Variants in PTCHD4 observed in about 807,000 individuals in gnomAD.
PTCHD4 encodes patched domain-containing protein 4.
Under a neutral mutation model 58.1 loss-of-function variants are expected in PTCHD4, and 33 were observed. The observed-to-expected ratio is 0.57, with a 90% confidence interval of 0.43 to 0.76. PTCHD4 has a LOEUF of 0.76. Ranked by LOEUF, PTCHD4 falls within the 30% of genes least tolerant of loss-of-function variation. The pLI is 0.00. For synonymous variants in PTCHD4, 478 were observed against 409.6 expected (o/e 1.17, Z -2.02); for missense variants, 1,058 against 1,027.1 (o/e 1.03, Z -0.41).
In PTCHD4 at chr6:48,038,207, C is replaced by T. The variant is rs565217333; in HGVS notation, c.418-29093G>A. Among the ~76,000 whole-genome samples, 42 of 151,988 alleles carry T rather than the reference C, an allele frequency of 2.8e-4. No homozygotes were observed. The South Asian group carries it at 7.1e-3, about 26-fold the overall frequency. ...CTTTAAATTATCCGTGTCTCCTGAC[C>T]GGGGTTAATTACCACCCACTGTTCT... is the stretch of plus-strand genomic sequence containing the variant. On this transcript the variant is annotated intron_variant, in intron 3 of 4. Coordinates refer to ENST00000339488, the MANE Select transcript of PTCHD4 (RefSeq NM_001384253.1).
At chr6:48,032,043 C>T (rs1268599495) in intron 3 of PTCHD4, among the ~76,000 whole-genome samples, 3 of 141,450 alleles carry the variant, frequency 2.1e-5, no homozygotes, top group Non-Finnish European at 3.0e-5. Context: ...ACCCTCTGTC[C>T]TTGACATGGC....
chr6:48,070,253 T>G (rs1426086588), intron 1 of PTCHD4, among the ~76,000 whole-genome samples: 1 of 152,252 alleles, frequency 6.6e-6, no homozygotes, highest in South Asian at 2.1e-4. Context: ...AATGACTTCA[T>G]AGAAAAGATT....
At chr6:48,034,696 A>T (rs1763567958) in intron 3 of PTCHD4, among the ~76,000 whole-genome samples, 1 of 152,168 alleles carries the variant, frequency 6.6e-6, no homozygotes, top group Admixed American at 6.6e-5. Context: ...AGAATTTTCC[A>T]GATCTGCCAG....
intron 4 of PTCHD4, among the ~76,000 whole-genome samples, chr6:47,985,323 A>C (rs1359108195): frequency 6.6e-6 from 1 of 152,138 alleles, no homozygotes; most frequent in Non-Finnish European, 1.5e-5. Flanking sequence ...TAAGTGGTAC[A>C]AGGACAAATT....
rs766802090 is a variant in PTCHD4, at chr6:47,873,231, G to T, written c.*5072C>A. Reference sequence around the variant, plus strand: ...TATGATCAAGTTTGCTAGCAGTTGAGAATCTATAGTTTTGCAACACCACGT... The same window carrying T: ...TATGATCAAGTTTGCTAGCAGTTGATAATCTATAGTTTTGCAACACCACGT... On this transcript the variant is annotated 3_prime_UTR_variant, in exon 5 of 5. Transcript: ENST00000339488. Among the ~76,000 whole-genome samples the T allele has an allele frequency of 1.5e-3, 234 of 151,792 alleles. No homozygotes were observed. Among genetic ancestry groups the T allele is most frequent in the Non-Finnish European group, 2.4e-3 (162 of 67,756 alleles).
chr6:47,945,301 A>G (rs1766374187), intron 4 of PTCHD4, among the ~76,000 whole-genome samples: 1 of 152,132 alleles, frequency 6.6e-6, no homozygotes, highest in African/African-American at 2.4e-5. Context: ...CAATTTGAGA[A>G]GTATAATCTT....
At chr6:47,941,660 C>T (rs139013897) in intron 4 of PTCHD4, among the ~76,000 whole-genome samples, 30 of 152,206 alleles carry the variant, frequency 2.0e-4, no homozygotes, top group Admixed American at 1.2e-3. Flanking sequence ...AATACTAATT[C>T]GCTGTTTGAC....
rs1019142883 is a variant in PTCHD4, at chr6:47,860,225, T to C, written c.*18078A>G. On this transcript the variant is annotated 3_prime_UTR_variant, in exon 5 of 5. Coordinates refer to ENST00000339488, the MANE Select transcript of PTCHD4 (RefSeq NM_001384253.1). Reference sequence around the variant, plus strand: ...CTTCTGTCAGCATCTTTAAAGAGATTGCAAGCAATTTAAAGGTAGAAAACA... The same window carrying C: ...CTTCTGTCAGCATCTTTAAAGAGATCGCAAGCAATTTAAAGGTAGAAAACA... Among the ~76,000 whole-genome samples, 2 of 152,038 alleles carry C rather than the reference T, an allele frequency of 1.3e-5. No homozygotes were observed. The highest frequency in any genetic ancestry group is 1.5e-5 in the Non-Finnish European group (1 of 67,978).
intron 4 of PTCHD4, among the ~76,000 whole-genome samples, chr6:47,921,057 A>G (rs1179806204): frequency 6.6e-6 from 1 of 152,180 alleles, no homozygotes; most frequent in Non-Finnish European, 1.5e-5. Context: ...AAACAAACAA[A>G]CAAACAAAAA....
chr6:47,944,700 C>T (rs1444531320), intron 4 of PTCHD4, among the ~76,000 whole-genome samples: 2 of 152,050 alleles, frequency 1.3e-5, no homozygotes, highest in African/African-American at 4.8e-5. Flanking sequence ...GTAATTACAT[C>T]TCTGTTTGCA....
intron 4 of PTCHD4, among the ~76,000 whole-genome samples, chr6:47,902,439 C>G (rs1376015673): frequency 6.6e-6 from 1 of 152,108 alleles, no homozygotes; most frequent in African/African-American, 2.4e-5. Flanking sequence ...GTTCAAGGTA[C>G]TGCATAAAAT....
intron 4 of PTCHD4, among the ~76,000 whole-genome samples, chr6:47,985,453 G>A (rs1026623792): frequency 1.3e-5 from 2 of 152,024 alleles, no homozygotes; most frequent in East Asian, 1.9e-4. Flanking sequence ...GTGTATGAAA[G>A]TCATTTATAT....
chr6:47,898,473 G>A (rs1764592884), intron 4 of PTCHD4, among the ~76,000 whole-genome samples: 1 of 152,092 alleles, frequency 6.6e-6, no homozygotes, highest in Admixed American at 6.6e-5. Flanking sequence ...ACTGTGTTTA[G>A]GAACTTTACT....
intron 3 of PTCHD4, among the ~76,000 whole-genome samples, chr6:48,020,469 A>G (rs1763026417): frequency 6.6e-6 from 1 of 151,412 alleles, no homozygotes; most frequent in Non-Finnish European, 1.5e-5. Context: ...TAAAACAAAT[A>G]TTAGGTTGCT....
In PTCHD4 at chr6:47,868,120, G is replaced by A. The variant is rs1392275063; in HGVS notation, c.*10183C>T. ...TGAACAGAAACTAAATAAAAAAAAG[G>A]TTTCAGTTCAGTTGTTTAGTCCCTT... On this transcript the variant is annotated 3_prime_UTR_variant, in exon 5 of 5. Coordinates refer to ENST00000339488, the MANE Select transcript of PTCHD4 (RefSeq NM_001384253.1). 6.6e-6 allele frequency among the ~76,000 whole-genome samples: 1 copy of A among 151,506 alleles called. No homozygotes were observed. Among genetic ancestry groups the A allele is most frequent in the South Asian group, 2.1e-4 (1 of 4,820 alleles).
At chr6:47,893,256 A>C (rs1478803762) in intron 4 of PTCHD4, among the ~76,000 whole-genome samples, 1 of 151,962 alleles carries the variant, frequency 6.6e-6, no homozygotes, top group Non-Finnish European at 1.5e-5. Flanking sequence ...TGATCTGTCC[A>C]CCTCAGCCTC....
intron 3 of PTCHD4, among the ~76,000 whole-genome samples, chr6:48,038,520 A>T (rs1453516327): frequency 6.6e-6 from 1 of 151,870 alleles, no homozygotes; most frequent in Non-Finnish European, 1.5e-5. Context: ...GCCCACTGTA[A>T]TCCCAGCTAC....
At chr6:48,099,848 A>G (rs956420561) in intron 1 of PTCHD4, among the ~76,000 whole-genome samples, 9 of 152,320 alleles carry the variant, frequency 5.9e-5, no homozygotes, top group Admixed American at 3.9e-4. Context: ...TTTTAGGTGC[A>G]TGTTTACTAT....
At chr6:47,905,135 G>A (rs1308213167) in intron 4 of PTCHD4, among the ~76,000 whole-genome samples, 2 of 151,406 alleles carry the variant, frequency 1.3e-5, no homozygotes, top group East Asian at 3.9e-4. Flanking sequence ...GTCATAGAAC[G>A]TGGCTGGAGA....
Sources: gnomAD v4.1 joint callset for allele counts (sites outside exome capture counted in the v4.1 genomes callset) on GRCh38, gnomAD v4.1.1 for gene constraint, MANE v1.5 for transcripts, NCBI Gene and HGNC (gene_info 2026-07-23, HGNC 2026-07-21) for gene names.